Variants in LRRK1 observed in about 807,000 individuals in gnomAD.
LRRK1 encodes the protein leucine-rich repeat serine/threonine-protein kinase 1.
In LRRK1, 113 loss-of-function variants were observed where a neutral mutation model predicts 209.1. That is an observed-to-expected ratio of 0.54 (90% confidence interval 0.46 to 0.63). The LOEUF is 0.63. LRRK1 is among the 30% of genes least tolerant of loss of function. The pLI is 0.00. For synonymous variants in LRRK1, 1,144 were observed against 1,099.7 expected (o/e 1.04, Z -0.80); for missense variants, 2,284 against 2,632.2 (o/e 0.87, Z 2.89).
At chr15:100,932,730 C>T (rs1172992820) in intron 2 of LRRK1, among the ~76,000 whole-genome samples, 1 of 152,190 alleles carries the variant, frequency 6.6e-6, no homozygotes, top group Admixed American at 6.5e-5. Flanking sequence ...ATTATCATTT[C>T]TCAATGTAAA....
chr15:101,066,595 C>G (rs372462290), intron 32 of LRRK1, 45 bp from the exon 33 acceptor site: 25 of 1,571,318 alleles, frequency 1.6e-5, no homozygotes, highest in Non-Finnish European at 2.1e-5. Context: ...CCGGAGAGCA[C>G]GGCTACCGAC....
chr15:100,982,971 G>A (rs1216186551), intron 3 of LRRK1, among the ~76,000 whole-genome samples: 4 of 152,136 alleles, frequency 2.6e-5, no homozygotes, highest in African/African-American at 7.2e-5. Flanking sequence ...TCAGAAGTTC[G>A]AGACCAGCCC....
At chr15:100,965,786 T>C (rs577429849) in intron 2 of LRRK1, among the ~76,000 whole-genome samples, 27 of 152,280 alleles carry the variant, frequency 1.8e-4, no homozygotes, top group Non-Finnish European at 3.7e-4. Context: ...TAGCTTTACA[T>C]TAAAAGCAAG....
chr15:101,038,931 TC>T (rs993329694), intron 20 of LRRK1, among the ~76,000 whole-genome samples: 5 of 152,130 alleles, frequency 3.3e-5, no homozygotes, highest in African/African-American at 1.2e-4. Flanking sequence ...GTGGGATCTT[TC>T]CCCCATTTCA....
In LRRK1 at chr15:101,022,241, T is replaced by G; in HGVS notation, c.1853-142T>G. 1.2e-6 allele frequency: 1 copy of G among 830,692 alleles called. No individual in the cohort carries two copies. Among genetic ancestry groups the G allele is most frequent in the Non-Finnish European group, 1.9e-6 (1 of 521,408 alleles). 51.5% of individuals were successfully genotyped at this position (830,692 alleles called of 1,614,324 possible). On this transcript the variant is annotated intron_variant, in intron 14 of 33. Transcript: ENST00000388948. This position sits in a 1 kb window ranked among gnomAD's most constrained non-coding sequence, Gnocchi z 4.0. ...TTTTAGGGTGGTTAGTGTCATGCCTTCCCTCCCCCTGATCCAGTAGTCTTC... is the reference window on the plus strand; with the variant it reads ...TTTTAGGGTGGTTAGTGTCATGCCTGCCCTCCCCCTGATCCAGTAGTCTTC...
rs1373874280 is a variant in LRRK1, at chr15:101,048,892, C to T, written c.3299+235C>T. Among the ~76,000 whole-genome samples the T allele has an allele frequency of 3.3e-5, 5 of 152,212 alleles. No individual in the cohort carries two copies. The South Asian group carries it at 8.3e-4, about 25-fold the overall frequency. On this transcript the variant is annotated intron_variant, in intron 22 of 33. Transcript: ENST00000388948. ...ACGGGAAAGGCAAAGGCAGATGTGG[C>T]GGCCACAGCTGAGGACTTGAGGGAC...
chr15:100,947,963 T>TA (rs1361055024), intron 2 of LRRK1, among the ~76,000 whole-genome samples: 5 of 152,194 alleles, frequency 3.3e-5, no homozygotes, highest in African/African-American at 9.7e-5. Flanking sequence ...CCTGGAATCT[T>TA]AAAATCAACA....
chr15:101,066,270 C>G lies in LRRK1; in HGVS notation c.5768+65C>G, dbSNP rs2036526954. The G allele has an allele frequency of 2.6e-6, 4 of 1,522,374 alleles. No individual in the cohort carries two copies. In the Admixed American group the frequency reaches 8.1e-5, roughly 31 times the overall value. 94.3% of individuals were successfully genotyped at this position (1,522,374 alleles called of 1,614,324 possible). A position where few individuals can be genotyped will look rare whatever the true frequency, so the allele number is the denominator to read the frequency against. On this transcript the variant is annotated intron_variant, in intron 32 of 33. Coordinates refer to ENST00000388948, the MANE Select transcript of LRRK1 (RefSeq NM_024652.6). ...CACTGCTCCTGCTCTGGGGACAGAGCAAGGGGAAGCCCCCTGGCTTCCTTA... is the reference window on the plus strand; with the variant it reads ...CACTGCTCCTGCTCTGGGGACAGAGGAAGGGGAAGCCCCCTGGCTTCCTTA...
intron 2 of LRRK1, among the ~76,000 whole-genome samples, chr15:100,951,340 TG>T (rs1262564495): frequency 6.6e-6 from 1 of 152,106 alleles, no homozygotes; most frequent in Non-Finnish European, 1.5e-5. Flanking sequence ...TCATTGAAGG[TG>T]GGACTGGAAC....
At chr15:101,004,869 T>C (rs1349877631) in intron 6 of LRRK1, among the ~76,000 whole-genome samples, 2 of 152,236 alleles carry the variant, frequency 1.3e-5, no homozygotes, top group Admixed American at 6.5e-5. Context: ...AATTGGGTCA[T>C]GTTACAGTAA....
Position 101,066,650 on chromosome 15 carries a change from G to C in LRRK1, c.5779G>C (p.Asp1927His), listed in dbSNP as rs2036547989. Residue 1927 changes from aspartate (D) to histidine (H), a missense_variant, in exon 33 of 34, where the codon GAT becomes CAT. By Grantham distance (81) the Asp-to-His change is moderately conservative. This residue lies in a region of LRRK1 where 643 missense variants were observed against 695.9 expected (regional missense o/e 0.92). Coordinates refer to ENST00000388948, the MANE Select transcript of LRRK1 (RefSeq NM_024652.6). ...DLIWVPRRGG[D>H]VIVIGLEKDS... Reference sequence around the variant, plus strand: ...GTTTTGGTTGCTTAGGCGCGGTGGAGATGTTATCGTCATTGGCCTGGAGAA... The same window carrying C: ...GTTTTGGTTGCTTAGGCGCGGTGGACATGTTATCGTCATTGGCCTGGAGAA... 1 of 1,614,114 alleles carries C rather than the reference G, an allele frequency of 6.2e-7. No individual in the cohort carries two copies. Among genetic ancestry groups the C allele is most frequent in the Non-Finnish European group, 8.5e-7 (1 of 1,180,022 alleles).
At chr15:100,978,135 G>A (rs2031400012) in intron 3 of LRRK1, among the ~76,000 whole-genome samples, 1 of 152,038 alleles carries the variant, frequency 6.6e-6, no homozygotes, top group Non-Finnish European at 1.5e-5. Flanking sequence ...ATGGAGAAGA[G>A]AGGACAGGGG....
chr15:101,010,506 T>G lies in LRRK1; in HGVS notation c.1046T>G (p.Leu349Trp), dbSNP rs1418693007. 6.2e-7 allele frequency: 1 copy of G among 1,612,872 alleles called. No individual in the cohort carries two copies. Among genetic ancestry groups the G allele is most frequent in the East Asian group, 2.2e-5 (1 of 44,882 alleles). ...TTGTCCCACCTCCCTCCTGGATTCT[T>G]GCACCTCTCAAAACTTCAAAAACTG... is the stretch of plus-strand genomic sequence containing the variant. ...NKLSHLPPGF[L>W]HLSKLQKLTA... Residue 349 changes from leucine to tryptophan, a missense_variant, in exon 8 of 34, where the codon TTG (leucine) becomes TGG (tryptophan). By Grantham distance (61) the Leu-to-Trp change is moderately conservative. This residue lies in a region of LRRK1 where 494 missense variants were observed against 522.1 expected (regional missense o/e 0.95). Coordinates refer to ENST00000388948, the MANE Select transcript of LRRK1 (RefSeq NM_024652.6).
chr15:101,055,351 C>T, intron 27 of LRRK1, 128 bp downstream of exon 27: 1 of 905,830 alleles, frequency 1.1e-6, no homozygotes, highest in Non-Finnish European at 1.5e-6. Flanking sequence ...TTCTCACTCT[C>T]CCTTGCTCAA....
rs775480216 is a variant in LRRK1 at position 101,057,004 on chromosome 15, G to T, written c.4481G>T (p.Arg1494Leu). Residue 1494 changes from arginine to leucine, a missense_variant, in exon 28 of 34, where the codon CGA (arginine) becomes CTA (leucine). This residue lies in a region of LRRK1 where 643 missense variants were observed against 695.9 expected (regional missense o/e 0.92). Coordinates refer to ENST00000388948, the MANE Select transcript of LRRK1 (RefSeq NM_024652.6). ...CAGCCGGAGGAAGTGCAGTTCCGGC[G>T]ACTGCAGGCGCTCATGATGGAGTGC... ...LGQPEEVQFR[R>L]LQALMMECWD... 6.2e-7 allele frequency: 1 copy of T among 1,613,796 alleles called. No homozygotes were observed. Among genetic ancestry groups the T allele is most frequent in the Non-Finnish European group, 8.5e-7 (1 of 1,179,838 alleles).
At position 101,008,869 on chromosome 15, in the gene LRRK1, G is replaced by A. The variant is rs2033105443; in HGVS notation, c.795G>A (p.Leu265=). The A allele has an allele frequency of 1.9e-6, 3 of 1,614,164 alleles. No individual in the cohort carries two copies. The highest frequency in any genetic ancestry group is 2.5e-6 in the Non-Finnish European group (3 of 1,180,006). The change falls in exon 7 of 34, where the codon CTG becomes CTA. Residue 265 remains leucine (L), a synonymous_variant. Transcript: ENST00000388948. The part of the protein sequence containing the change: ...ALRVKWSHLR[L]PWVDLDWLID... ...GTGTGAAATGGTCCCATCTCAGACT[G>A]CCCTGGGTAGACCTAGACTGGCTCA... is the stretch of plus-strand genomic sequence containing the variant.
intron 2 of LRRK1, among the ~76,000 whole-genome samples, chr15:100,941,476 G>GTGTCTGTGTGTGTC (rs1567191302): frequency 6.8e-6 from 1 of 147,082 alleles, no homozygotes. Flanking sequence ...GTGTGTGTGT[G>GTGTCTGTGTGTGTC]TGTGTGTGTG....
At chr15:101,021,817 C>T in intron 13 of LRRK1, 28 bp from the exon 14 acceptor site, 1 of 1,309,856 alleles carries the variant, frequency 7.6e-7, no homozygotes, top group South Asian at 1.2e-5. Context: ...TGTGTGTATT[C>T]TCTCGTGGTG....
At chr15:100,984,358 T>C (rs1364943212) in intron 4 of LRRK1, among the ~76,000 whole-genome samples, 1 of 152,228 alleles carries the variant, frequency 6.6e-6, no homozygotes, top group Admixed American at 6.5e-5. Context: ...AATTCATTCT[T>C]GCTGTTGTAT....
Sources: allele counts gnomAD v4.1 joint callset (sites outside exome capture counted in the v4.1 genomes callset), GRCh38; gene constraint gnomAD v4.1.1; regional missense constraint gnomAD v4.1.1; non-coding constraint Gnocchi (gnomAD v3.1); transcripts MANE v1.5; gene names NCBI Gene and HGNC (gene_info 2026-07-23, HGNC 2026-07-21).